The following FBXL2 variants were observed in gnomAD, a reference collection of about 807,000 sequenced individuals.
The protein encoded by FBXL2 is F-box and leucine rich repeat protein 2.
In FBXL2, 38 loss-of-function variants were observed where a neutral mutation model predicts 69.2. The ratio of observed to expected loss-of-function variants is 0.55; its 90% CI spans 0.42 to 0.72. The LOEUF (loss-of-function observed/expected upper bound fraction) is 0.72. Ranked by LOEUF, FBXL2 falls within the 30% of genes least tolerant of loss-of-function variation. The probability of loss-of-function intolerance (pLI) is 0.00; values close to 1 mark genes in which losing one functional copy is unlikely to be tolerated. For missense variants in FBXL2, 354 were observed against 520.3 expected, an observed-to-expected ratio of 0.68 and a Z score of 3.11; for synonymous variants, 192 against 201.3, an observed-to-expected ratio of 0.95 and a Z score of 0.39.
chr3:33,362,433 A>C (rs1245308942), intron 4 of FBXL2, among the ~76,000 whole-genome samples: 3 of 152,238 alleles, frequency 2.0e-5, no homozygotes, highest in African/African-American at 7.2e-5. Context: ...ATTGTCTAGT[A>C]GATAAGACAC....
downstream of FBXL2, among the ~76,000 whole-genome samples, chr3:33,406,495 T>A (rs1052925797): frequency 6.6e-6 from 1 of 152,220 alleles, no homozygotes; most frequent in African/African-American, 2.4e-5. Context: ...CCATTTAATA[T>A]TAAAAGTATC....
intron 5 of FBXL2, among the ~76,000 whole-genome samples, 157 bp downstream of exon 5, chr3:33,364,876 T>A (rs1362691663): frequency 6.6e-6 from 1 of 152,234 alleles, no homozygotes; most frequent in African/African-American, 2.4e-5. Context: ...ATAGCAAACC[T>A]GGGTTGGAAA....
intron 2 of FBXL2, among the ~76,000 whole-genome samples, chr3:33,330,898 AACACAC>A (rs749700726): frequency 2.0e-5 from 3 of 148,416 alleles, no homozygotes; most frequent in Non-Finnish European, 4.5e-5. Context: ...CACACACACA[AACACAC>A]ACACACACAA....
At chr3:33,298,696 C>CAAAAAAAAAAA (rs1158732530) in intron 2 of FBXL2, among the ~76,000 whole-genome samples, 1 of 47,274 alleles carries the variant, frequency 2.1e-5, no homozygotes, top group Non-Finnish European at 4.5e-5. Context: ...AACTCTGTCT[C>CAAAAAAAAAAA]AAAAAAAAAA....
chr3:33,376,137 CA>C (rs56766890), intron 10 of FBXL2, among the ~76,000 whole-genome samples: 60,272 of 149,346 alleles, frequency 0.4, 13,541 homozygotes, highest in East Asian at 0.6. Context: ...GTCTAGGTGA[CA>C]AGAGTGAGAC....
intron 12 of FBXL2, 51 bp downstream of exon 12, chr3:33,378,198 C>G: frequency 1.3e-6 from 2 of 1,552,468 alleles, no homozygotes; most frequent in Non-Finnish European, 1.8e-6. Flanking sequence ...TTAGTCATTG[C>G]TGGCCAGTGC....
chr3:33,396,276 C>T (rs776412735), intron 12 of FBXL2: 1 of 1,575,312 alleles, frequency 6.3e-7, no homozygotes, highest in South Asian at 1.1e-5. Context: ...CGGGGTCTAA[C>T]CGACCTGCAA....
At chr3:33,343,801 T>C (rs1487092977) in intron 2 of FBXL2, among the ~76,000 whole-genome samples, 1 of 152,144 alleles carries the variant, frequency 6.6e-6, no homozygotes, top group African/African-American at 2.4e-5. Flanking sequence ...TTTAAAATAT[T>C]TAAACCTGTG....
intron 2 of FBXL2, among the ~76,000 whole-genome samples, chr3:33,353,076 A>G (rs1400410576): frequency 6.6e-6 from 1 of 152,238 alleles, no homozygotes; most frequent in Non-Finnish European, 1.5e-5. Context: ...AATTAAGACA[A>G]TGAGATACCA....
intron 2 of FBXL2, among the ~76,000 whole-genome samples, chr3:33,301,712 C>A (rs1053592644): frequency 6.6e-6 from 1 of 152,186 alleles, no homozygotes; most frequent in African/African-American, 2.4e-5. Flanking sequence ...CATAGCCCAA[C>A]AAACAGCTTT....
chr3:33,351,004 G>A (rs1476194453), intron 2 of FBXL2, among the ~76,000 whole-genome samples: 4 of 151,856 alleles, frequency 2.6e-5, no homozygotes, highest in Non-Finnish European at 4.4e-5. Flanking sequence ...GGTAGCTCAC[G>A]CCTGTAATCC....
chr3:33,323,479 G>T lies in FBXL2; in HGVS notation c.65+25754G>T, dbSNP rs1041867564. On this transcript the variant is annotated intron_variant, in intron 2 of 14. Transcript: ENST00000484457. ...TCCCCTTCCCCCCGACGCCCAACAGGCCCCATTGTGTGATGTTCCCCTCCC... is the reference window on the plus strand; with the variant it reads ...TCCCCTTCCCCCCGACGCCCAACAGTCCCCATTGTGTGATGTTCCCCTCCC... Among the ~76,000 whole-genome samples, 16 of 151,938 alleles carry T rather than the reference G, an allele frequency of 1.1e-4. 1 individual carries two copies. The highest frequency in any genetic ancestry group is 1.0e-3 in the Admixed American group (16 of 15,244).
intron 1 of FBXL2, among the ~76,000 whole-genome samples, chr3:33,290,715 T>G (rs952243432): frequency 6.6e-6 from 1 of 152,036 alleles, no homozygotes; most frequent in Admixed American, 6.6e-5. Context: ...CAATACAAAA[T>G]TGTCTAGTAT....
chr3:33,389,030 A>C (rs1337885180), downstream of FBXL2: 1 of 152,444 alleles, frequency 6.6e-6, no homozygotes, highest in Non-Finnish European at 1.5e-5. Context: ...AGTCCCCTAC[A>C]CCACAGGCCT....
At chr3:33,417,362 T>C in the FBXL2 span, among the ~76,000 whole-genome samples, 2 of 151,440 alleles carry the variant, frequency 1.3e-5, no homozygotes, top group Non-Finnish European at 2.9e-5. Flanking sequence ...CCACTCTGGA[T>C]ACTTTCATAA....
At chr3:33,396,277 C>T (rs2043990835) in intron 12 of FBXL2, 34 of 1,572,312 alleles carry the variant, frequency 2.2e-5, no homozygotes, top group South Asian at 3.4e-5. Context: ...GGGGTCTAAC[C>T]GACCTGCAAT....
rs58660334 is a variant in FBXL2, at chr3:33,361,098, ATTTTTT to A, written c.195+1756_195+1761del. Among the ~76,000 whole-genome samples the A allele has an allele frequency of 3.9e-3, 454 of 116,318 alleles. 1 individual carries two copies. Among genetic ancestry groups the A allele is most frequent in the Non-Finnish European group, 6.3e-3 (368 of 58,078 alleles). The allele number at this position is 116,318 out of a possible 152,430, so 76.3% of individuals were successfully genotyped here. A position where few individuals can be genotyped will look rare whatever the true frequency, so the allele number is the denominator to read the frequency against. ...AGGCGCCTGCCACCACGCCCGGCTA[ATTTTTT>A]TTTTTTTTTTTTTTGTATTTTTAGT... On this transcript the variant is annotated intron_variant, in intron 4 of 14. Transcript: ENST00000484457.
At chr3:33,295,373 G>A (rs911602607) in intron 1 of FBXL2, among the ~76,000 whole-genome samples, 1 of 152,098 alleles carries the variant, frequency 6.6e-6, no homozygotes, top group Non-Finnish European at 1.5e-5. Flanking sequence ...GCTTTCAATA[G>A]CATATTTTCA....
rs1225598825 is a variant in FBXL2 at position 33,331,444 on chromosome 3, T to C, written c.66-27523T>C. Among the ~76,000 whole-genome samples, 3 of 152,204 alleles carry C rather than the reference T, an allele frequency of 2.0e-5. No homozygotes were observed. The East Asian group carries it at 5.8e-4, about 29-fold the overall frequency. On this transcript the variant is annotated intron_variant, in intron 2 of 14. Transcript: ENST00000484457. Reference sequence around the variant, plus strand: ...AATTGGATATGTGACCACTACACCATGCAGGGACCCTGGAAAGGCTCCCTC... The same window carrying C: ...AATTGGATATGTGACCACTACACCACGCAGGGACCCTGGAAAGGCTCCCTC...
Sources: gnomAD v4.1 joint callset for allele counts (sites outside exome capture counted in the v4.1 genomes callset) on GRCh38, gnomAD v4.1.1 for gene constraint, MANE v1.5 for transcripts, NCBI Gene and HGNC (gene_info 2026-07-23, HGNC 2026-07-21) for gene names.